Variants in G2E3 observed in about 807,000 individuals in gnomAD.
G2E3 encodes the protein G2/M-phase specific E3 ubiquitin protein ligase.
G2E3 carries 35 observed loss-of-function variants against 92.8 expected under a neutral mutation model. The observed-to-expected ratio is 0.38, with a 90% CI of 0.29 to 0.50. G2E3 has a LOEUF of 0.50. G2E3 is among the 20% of genes least tolerant of loss of function. G2E3 has a pLI of 0.94. For synonymous variants in G2E3, 242 were observed against 272.4 expected, an observed-to-expected ratio of 0.89 and a Z score of 1.10; for missense variants, 554 against 823.8, an observed-to-expected ratio of 0.67 and a Z score of 4.01.
At chr14:30,612,966 A>G (rs1882161578) in intron 13 of G2E3, among the ~76,000 whole-genome samples, 1 of 152,228 alleles carries the variant, frequency 6.6e-6, no homozygotes, top group South Asian at 2.1e-4. Context: ...CTCTTACCAC[A>G]TGAGCCAACT....
At chr14:30,581,215 T>G in intron 2 of G2E3, 99 bp downstream of exon 2, 1 of 713,436 alleles carries the variant, frequency 1.4e-6, no homozygotes, top group South Asian at 1.6e-5. Flanking sequence ...TGGCACAAGC[T>G]TAGTTTGTAT....
intron 13 of G2E3, among the ~76,000 whole-genome samples, chr14:30,614,244 G>C (rs969052608): frequency 1.3e-5 from 2 of 152,076 alleles, no homozygotes; most frequent in Non-Finnish European, 2.9e-5. Flanking sequence ...AGATAAACAT[G>C]TGTGTTCTTA....
intron 6 of G2E3, among the ~76,000 whole-genome samples, chr14:30,595,972 C>G (rs1836394306): frequency 6.6e-6 from 1 of 152,020 alleles, no homozygotes; most frequent in Non-Finnish European, 1.5e-5. Flanking sequence ...TGTGTCTTAT[C>G]CTGTTTTTTC....
At chr14:30,591,786 G>GT (rs1448476796) in intron 4 of G2E3, among the ~76,000 whole-genome samples, 1 of 152,154 alleles carries the variant, frequency 6.6e-6, no homozygotes, top group Non-Finnish European at 1.5e-5. Context: ...GTATTTCCAA[G>GT]TAAGTTCACA....
intron 10 of G2E3, 44 bp from the exon 11 acceptor site, chr14:30,605,461 T>C (rs1235606827): frequency 1.4e-6 from 1 of 719,744 alleles, no homozygotes; most frequent in East Asian, 2.7e-5. Flanking sequence ...TCACATAAAG[T>C]ACTTTAAAGT....
chr14:30,582,423 A>G (rs1880483421), intron 2 of G2E3, among the ~76,000 whole-genome samples: 1 of 152,220 alleles, frequency 6.6e-6, no homozygotes, highest in African/African-American at 2.4e-5. Flanking sequence ...AAGGCCCTCC[A>G]TACTGGGTAG....
chr14:30,591,631 A>G (rs1178518199), intron 4 of G2E3, among the ~76,000 whole-genome samples: 1 of 152,086 alleles, frequency 6.6e-6, no homozygotes, highest in Admixed American at 6.6e-5. Flanking sequence ...ATCTGTTTCT[A>G]TCTTCACAGG....
intron 1 of G2E3, among the ~76,000 whole-genome samples, chr14:30,578,970 G>T (rs959582739): frequency 6.6e-6 from 1 of 152,254 alleles, no homozygotes; most frequent in East Asian, 1.9e-4. Flanking sequence ...GAAAAATATG[G>T]ATCTGTTTCT....
In G2E3 at chr14:30,617,212, C is replaced by T. The variant is rs1037046881; in HGVS notation, c.*678C>T. On this transcript the variant is annotated 3_prime_UTR_variant, in exon 15 of 15. Transcript: ENST00000206595. ...ATAAGGGAGGCTGAGGTGGGAGAAT[C>T]GAGATACTCAGCCAGCCTGGCAATG... is the stretch of plus-strand genomic sequence containing the variant. The T allele has an allele frequency of 1.3e-5, 2 of 151,492 alleles. No individual in the cohort carries two copies. The highest frequency in any genetic ancestry group is 1.3e-4 in the Admixed American group (2 of 15,196). 9.4% of individuals were successfully genotyped at this position (151,492 alleles called of 1,614,324 possible).
At chr14:30,595,804 C>A (rs1007940766) in intron 6 of G2E3, among the ~76,000 whole-genome samples, 1 of 152,042 alleles carries the variant, frequency 6.6e-6, no homozygotes, top group Non-Finnish European at 1.5e-5. Context: ...TATTTGTAAC[C>A]ACTACAAATA....
In G2E3 at chr14:30,559,193, T is replaced by G. The variant is rs1165275913; in HGVS notation, c.-84T>G. On this transcript the variant is annotated 5_prime_UTR_variant, in exon 1 of 15. Transcript: ENST00000206595. ...CCTGTGGGCCGTTGAATGTGGCTGC[T>G]CGCGGTCGGCGTGCCCCGACGTACA... The G allele has an allele frequency of 6.6e-6, 1 of 152,372 alleles. No individual in the cohort carries two copies. Among genetic ancestry groups the G allele is most frequent in the African/African-American group, 2.4e-5 (1 of 41,464 alleles). The allele number at this position is 152,372 out of a possible 1,614,324, so 9.4% of individuals were successfully genotyped here. A position where few individuals can be genotyped will look rare whatever the true frequency, so the allele number is the denominator to read the frequency against.
chr14:30,580,310 A>G (rs147962269), intron 1 of G2E3, among the ~76,000 whole-genome samples: 2,935 of 152,198 alleles, frequency 0.019, 48 homozygotes, highest in Middle Eastern at 0.034. Flanking sequence ...GAGTTCAAGC[A>G]ATTCTCTTGC....
At chr14:30,600,772 G>C (rs1316034517) in intron 8 of G2E3, among the ~76,000 whole-genome samples, 1 of 152,186 alleles carries the variant, frequency 6.6e-6, no homozygotes, top group Non-Finnish European at 1.5e-5. Flanking sequence ...TCTGAAGCTA[G>C]ATAAACTGAA....
In G2E3 at chr14:30,581,144, A is replaced by G. The variant is rs1880407543; in HGVS notation, c.37+28A>G. 6 of 1,224,196 alleles carry G rather than the reference A, an allele frequency of 4.9e-6. No homozygotes were observed. In the South Asian group the frequency reaches 6.2e-5, roughly 13 times the overall value. The allele number at this position is 1,224,196 out of a possible 1,614,324, so 75.8% of individuals were successfully genotyped here. On this transcript the variant is annotated intron_variant, in intron 2 of 14. Coordinates refer to ENST00000206595, the MANE Select transcript of G2E3 (RefSeq NM_017769.5). ...AAGTAACTGTATTTAAAATAATTTT[A>G]TTACAATGAGTGTTTTAAATATGTT... is the stretch of plus-strand genomic sequence containing the variant.
chr14:30,596,175 A>G (rs2138863930), intron 6 of G2E3, among the ~76,000 whole-genome samples: 1 of 147,382 alleles, frequency 6.8e-6, no homozygotes, highest in African/African-American at 2.5e-5. Context: ...TCACTTGCTA[A>G]TTGTCTGAAC....
chr14:30,610,885 T>C (rs1317596556), intron 12 of G2E3, among the ~76,000 whole-genome samples: 1 of 152,250 alleles, frequency 6.6e-6, no homozygotes, highest in Non-Finnish European at 1.5e-5. Context: ...GCCCATTTGC[T>C]ACTGATCTGA....
At chr14:30,578,826 A>G (rs1594475202) in intron 1 of G2E3, among the ~76,000 whole-genome samples, 1 of 152,260 alleles carries the variant, frequency 6.6e-6, no homozygotes, top group East Asian at 1.9e-4. Flanking sequence ...TATTTTATCA[A>G]TTTTAAGATG....
chr14:30,610,824 C>T (rs971898755), intron 12 of G2E3, among the ~76,000 whole-genome samples: 8 of 152,136 alleles, frequency 5.3e-5, no homozygotes, highest in African/African-American at 1.4e-4. Context: ...CTGTAAGTCA[C>T]GTTCTGGCTT....
At chr14:30,581,247 A>G in intron 2 of G2E3, 131 bp downstream of exon 2, 1 of 573,916 alleles carries the variant, frequency 1.7e-6, no homozygotes, top group Non-Finnish European at 3.2e-6. Context: ...AAAGTATAAT[A>G]TTGCATATAT....
Sources: gnomAD v4.1 joint callset for allele counts (sites outside exome capture counted in the v4.1 genomes callset) on GRCh38, gnomAD v4.1.1 for gene constraint, MANE v1.5 for transcripts, NCBI Gene and HGNC (gene_info 2026-07-23, HGNC 2026-07-21) for gene names.